Variants in RBPJL observed in about 807,000 individuals in gnomAD.
The protein encoded by RBPJL is recombination signal binding protein for immunoglobulin kappa J region like, also known as recombining binding protein suppressor of hairless-like protein.
A neutral mutation model predicts 57.6 loss-of-function variants in RBPJL; 50 were observed. The ratio of observed to expected loss-of-function variants is 0.87; its 90% CI spans 0.69 to 1.10. RBPJL has a LOEUF of 1.10. Among genes scored for constraint, RBPJL ranks in the 50% least tolerant of loss-of-function variants. The pLI is 0.00. For missense variants in RBPJL, 684 were observed against 693.7 expected, an observed-to-expected ratio of 0.99 and a Z score of 0.16; for synonymous variants, 303 against 294.4, an observed-to-expected ratio of 1.03 and a Z score of -0.30.
rs2145683130 is a variant in RBPJL at position 45,308,266 on chromosome 20, GC to G, written c.131+16del. 1 of 1,561,998 alleles carries G rather than the reference GC, an allele frequency of 6.4e-7. No homozygotes were observed. Among genetic ancestry groups the G allele is most frequent in the Non-Finnish European group, 8.8e-7 (1 of 1,133,026 alleles). On this transcript the variant is annotated intron_variant, in intron 2 of 11. Transcript: ENST00000343694. ...ACTTGGACCAGGTAACGGCGGCGTG[GC>G]AGCGTGCCCTAGGTGGGGACTGCCA...
chr20:45,313,570 G>C lies in RBPJL; in HGVS notation c.722G>C (p.Ser241Thr). 1.2e-6 allele frequency: 2 copies of C among 1,613,282 alleles called. No individual in the cohort carries two copies. The highest frequency in any genetic ancestry group is 4.5e-5 in the East Asian group (2 of 44,858). Residue 241 changes from serine (S) to threonine (T), a missense_variant, in exon 7 of 12, where the codon AGT becomes ACT. Coordinates refer to ENST00000343694, the MANE Select transcript of RBPJL (RefSeq NM_014276.4). ...GTGGAGGATGGGGCCTTTGTGGCCA[G>C]TGCACGACAGTGGGCTGCCTTCACG... ...LSVEDGAFVASARQWAAFTLH... is the reference protein window; with the variant it reads ...LSVEDGAFVATARQWAAFTLH...
In RBPJL at chr20:45,308,205, C is replaced by G; in HGVS notation, c.85C>G (p.Leu29Val). 1 of 1,614,096 alleles carries G rather than the reference C, an allele frequency of 6.2e-7. No homozygotes were observed. The highest frequency in any genetic ancestry group is 8.5e-7 in the Non-Finnish European group (1 of 1,179,942). Reference protein sequence around the residue: ...LSLQDRSEMQLQSEADRRSLP... With the variant: ...LSLQDRSEMQVQSEADRRSLP... Reference sequence around the variant, plus strand: ...CCTGCAGGACAGATCAGAGATGCAGCTGCAGAGCGAAGCCGACAGGCGGAG... The same window carrying G: ...CCTGCAGGACAGATCAGAGATGCAGGTGCAGAGCGAAGCCGACAGGCGGAG... Residue 29 changes from leucine to valine, a missense_variant, in exon 2 of 12, where the codon CTG becomes GTG. Coordinates refer to ENST00000343694, the MANE Select transcript of RBPJL (RefSeq NM_014276.4).
chr20:45,314,733 G>C (rs913846888), intron 9 of RBPJL, among the ~76,000 whole-genome samples, 168 bp downstream of exon 9: 2 of 152,216 alleles, frequency 1.3e-5, no homozygotes, highest in African/African-American at 4.8e-5. Flanking sequence ...TAGAAAAATA[G>C]TAATAAGTAA....
In RBPJL at chr20:45,309,615, C is replaced by T; in HGVS notation, c.180C>T (p.Cys60=). Residue 60 remains cysteine, a synonymous_variant, in exon 3 of 12, where the codon TGC becomes TGT. Coordinates refer to ENST00000343694, the MANE Select transcript of RBPJL (RefSeq NM_014276.4). The part of the protein sequence containing the change: ...TTILRGGVRR[C]LQQQCEQTVR... ...TTCTGAGGGGAGGCGTGCGCAGGTG[C>T]CTGCAGCAACAGTGTGAACAGACTG... is the stretch of plus-strand genomic sequence containing the variant. 2 of 1,613,386 alleles carry T rather than the reference C, an allele frequency of 1.2e-6. No homozygotes were observed. Among genetic ancestry groups the T allele is most frequent in the Non-Finnish European group, 1.7e-6 (2 of 1,179,666 alleles).
chr20:45,308,810 G>A (rs529206215), intron 2 of RBPJL, among the ~76,000 whole-genome samples: 1 of 151,896 alleles, frequency 6.6e-6, no homozygotes, highest in African/African-American at 2.4e-5. Flanking sequence ...CAATTGCTCG[G>A]GCCTACCCAC....
rs1211897030 is a variant in RBPJL at position 45,312,241 on chromosome 20, C to T, written c.465C>T (p.Thr155=). 1.9e-6 allele frequency: 3 copies of T among 1,614,116 alleles called. No individual in the cohort carries two copies. The African/African-American group carries it at 4.0e-5, about 22-fold the overall frequency. ...PDSREFGCAK[T]LYISDADKRK... is the part of the protein sequence containing the mutation. ...CCTAGGAATTCGGCTGCGCCAAGAC[C>T]CTGTACATCTCAGATGCAGACAAGA... is the stretch of plus-strand genomic sequence containing the variant. The change falls in exon 6 of 12, where the codon ACC becomes ACT. Residue 155 remains threonine (T), a synonymous_variant. Coordinates refer to ENST00000343694, the MANE Select transcript of RBPJL (RefSeq NM_014276.4).
Position 45,314,035 on chromosome 20 carries a change from C to A in RBPJL, c.758C>A (p.Ala253Asp). The change falls in exon 8 of 12, where the codon GCT (alanine) becomes GAT (aspartate). Residue 253 changes from alanine to aspartate, a missense_variant and splice_region_variant. Physicochemically the swap from Ala to Asp is moderately radical, Grantham distance 126 (BLOSUM62 -2). Transcript: ENST00000343694. ...GTCCCTTGCTTTTTTTGTCCCCCAG[C>A]TGATGGGCACTCTGCCCAAGGAGAC... is the stretch of plus-strand genomic sequence containing the variant. Reference protein sequence around the residue: ...RQWAAFTLHLADGHSAQGDFP... With the variant: ...RQWAAFTLHLDDGHSAQGDFP... 4 of 1,611,088 alleles carry A rather than the reference C, an allele frequency of 2.5e-6. No homozygotes were observed. The highest frequency in any genetic ancestry group is 3.4e-6 in the Non-Finnish European group (4 of 1,177,322).
Position 45,311,602 on chromosome 20 carries a change from C to A in RBPJL, c.271C>A (p.Pro91Thr), listed in dbSNP as rs1987169859. 1 of 1,614,110 alleles carries A rather than the reference C, an allele frequency of 6.2e-7. No homozygotes were observed. Among genetic ancestry groups the A allele is most frequent in the East Asian group, 2.2e-5 (1 of 44,898 alleles). The change falls in exon 4 of 12, where the codon CCG (proline) becomes ACG (threonine). Residue 91 changes from proline (P) to threonine (T), a missense_variant. Physicochemically the swap from Pro to Thr is conservative, Grantham distance 38. Coordinates refer to ENST00000343694, the MANE Select transcript of RBPJL (RefSeq NM_014276.4). ...YGNEKRFFCP[P>T]PCVYLSGPGW... ...TTATCTCCGCAGGTTCTTCTGCCCC[C>A]CGCCCTGTGTCTACCTCTCGGGGCC... is the stretch of plus-strand genomic sequence containing the variant.
chr20:45,309,470 T>A, intron 2 of RBPJL, 97 bp from the exon 3 acceptor site: 3 of 1,323,204 alleles, frequency 2.3e-6, no homozygotes, highest in East Asian at 2.6e-5. Flanking sequence ...TCTAACCCCC[T>A]GCTCACTTCA....
In RBPJL at chr20:45,312,402, AGGGCGGGGCCTGACCCCCGGCCC is replaced by A. The variant is rs751700205; in HGVS notation, c.619+16_619+38del. 1.8e-5 allele frequency: 29 copies of A among 1,611,488 alleles called. No homozygotes were observed. The highest frequency in any genetic ancestry group is 2.4e-5 in the Non-Finnish European group (28 of 1,179,172). ...TCGCTGAAAAACACCGATCGTGAGC[AGGGCGGGGCCTGACCCCCGGCCC>A]GGGCGGGGAGGTGCAACCAAGCCCA... is the stretch of plus-strand genomic sequence containing the variant. On this transcript the variant is annotated splice_region_variant and intron_variant, in intron 6 of 11. Transcript: ENST00000343694.
At position 45,308,147 on chromosome 20, in the gene RBPJL, C is replaced by T. The variant is rs762621554; in HGVS notation, c.27C>T (p.Pro9=). 1 of 1,612,672 alleles carries T rather than the reference C, an allele frequency of 6.2e-7. No individual in the cohort carries two copies. The highest frequency in any genetic ancestry group is 1.7e-5 in the Admixed American group (1 of 60,006). Residue 9 remains proline, a synonymous_variant, in exon 2 of 12, where the codon CCC becomes CCT. Coordinates refer to ENST00000343694, the MANE Select transcript of RBPJL (RefSeq NM_014276.4). ...TTGATGCCTACTCCCCTGCAGACCC[C>T]TCAGTGCCTCCCAATCCTTTGACTC... MDPAGAAD[P]SVPPNPLTHL... is the part of the protein sequence containing the mutation.
At chr20:45,309,432 T>G (rs1987022947) in intron 2 of RBPJL, 135 bp from the exon 3 acceptor site, 2 of 881,360 alleles carry the variant, frequency 2.3e-6, no homozygotes, top group African/African-American at 3.5e-5. Flanking sequence ...AGGGGCAGGA[T>G]ATAGAGCAGC....
At chr20:45,313,648 A>G (rs764553031) in intron 7 of RBPJL, 43 bp downstream of exon 7, 2 of 1,530,130 alleles carry the variant, frequency 1.3e-6, no homozygotes, top group Non-Finnish European at 1.8e-6. Flanking sequence ...CTTCACATGC[A>G]TTAGCTTATT....
At chr20:45,312,894 G>A (rs988728739) in intron 6 of RBPJL, among the ~76,000 whole-genome samples, 1 of 151,252 alleles carries the variant, frequency 6.6e-6, no homozygotes, top group African/African-American at 2.4e-5. Context: ...TGTTGTCCCA[G>A]CTACGTGGGA....
chr20:45,310,438 C>G (rs1429682603), intron 3 of RBPJL, among the ~76,000 whole-genome samples: 1 of 152,098 alleles, frequency 6.6e-6, no homozygotes, highest in East Asian at 1.9e-4. Context: ...GAAACCCCCT[C>G]TCTACCAAAA....
chr20:45,307,608 C>T (rs1986843717), intron 1 of RBPJL, among the ~76,000 whole-genome samples: 1 of 152,216 alleles, frequency 6.6e-6, no homozygotes, highest in South Asian at 2.1e-4. Flanking sequence ...GGTTAAGGTT[C>T]CCCTCATCCC....
intron 3 of RBPJL, 120 bp from the exon 4 acceptor site, chr20:45,311,469 T>G: frequency 4.7e-6 from 4 of 853,172 alleles, no homozygotes; most frequent in Non-Finnish European, 7.6e-6. Context: ...TGAAAAAGCG[T>G]TGCGGGGAGC....
chr20:45,311,685 G>A (rs779775376), intron 4 of RBPJL, 26 bp downstream of exon 4: 61 of 1,612,364 alleles, frequency 3.8e-5, no homozygotes, highest in Non-Finnish European at 5.0e-5. Flanking sequence ...AGGGCTGCCG[G>A]CCGCCTGCTC....
At position 45,316,270 on chromosome 20, in the gene RBPJL, A is replaced by T; in HGVS notation, c.1104A>T (p.Glu368Asp). ...CWTIIGTESVEFSFSTSLACT... is the reference protein window; with the variant it reads ...CWTIIGTESVDFSFSTSLACT... ...CCATCATCGGCACCGAGTCGGTGGA[A>T]TTTTCCTTCAGCACCAGCCTGGCGT... Residue 368 changes from glutamate (E) to aspartate (D), a missense_variant, in exon 10 of 12, where the codon GAA becomes GAT. Physicochemically the swap from Glu to Asp is conservative, Grantham distance 45 (BLOSUM62 2). Transcript: ENST00000343694. The T allele has an allele frequency of 6.2e-7, 1 of 1,614,144 alleles. No individual in the cohort carries two copies. The highest frequency in any genetic ancestry group is 8.5e-7 in the Non-Finnish European group (1 of 1,180,002).
Sources: allele counts gnomAD v4.1 joint callset (sites outside exome capture counted in the v4.1 genomes callset), GRCh38; gene constraint gnomAD v4.1.1; transcripts MANE v1.5; gene names NCBI Gene and HGNC (gene_info 2026-07-23, HGNC 2026-07-21).